CYC1: variants seen among roughly 807,000 people sequenced by gnomAD.
The protein encoded by CYC1 is cytochrome c1.
Under a neutral mutation model 33.8 loss-of-function variants are expected in CYC1, and 10 were observed. The observed-to-expected ratio is 0.30, with a 90% CI of 0.18 to 0.50. The LOEUF (loss-of-function observed/expected upper bound fraction) is 0.50, where lower values mean the gene tolerates loss of function less well. CYC1 is among the 20% of genes least tolerant of loss of function. The pLI is 0.98. For missense variants in CYC1, 459 were observed against 437.6 expected, an observed-to-expected ratio of 1.05 and a Z score of -0.44; for synonymous variants, 224 against 181.9, an observed-to-expected ratio of 1.23 and a Z score of -1.86.
Position 144,097,434 on chromosome 8 carries a change from TG to T in CYC1, c.*100del. ...GGCCTCAGCTAAGCCTCTCTTCATC[TG>T]GAAGAAGAGGCAAGGGGGCAGGAGA... On this transcript the variant is annotated 3_prime_UTR_variant, in exon 7 of 7. Transcript: ENST00000318911. 1 of 991,298 alleles carries T rather than the reference TG, an allele frequency of 1.0e-6. No individual in the cohort carries two copies. Among genetic ancestry groups the T allele is most frequent in the South Asian group, 1.5e-5 (1 of 68,904 alleles). 61.4% of individuals were successfully genotyped at this position (991,298 alleles called of 1,614,324 possible). A position where few individuals can be genotyped will look rare whatever the true frequency, so the allele number is the denominator to read the frequency against.
chr8:144,096,758 AGTCTGGCAGTGGGCATGTGGAATAC>A lies in CYC1; in HGVS notation c.772+15_772+39del. The A allele has an allele frequency of 9.6e-7, 1 of 1,039,540 alleles. No homozygotes were observed. The allele number at this position is 1,039,540 out of a possible 1,614,324, so 64.4% of individuals were successfully genotyped here. A position where few individuals can be genotyped will look rare whatever the true frequency, so the allele number is the denominator to read the frequency against. On this transcript the variant is annotated intron_variant, in intron 5 of 6. Coordinates refer to ENST00000318911, the MANE Select transcript of CYC1 (RefSeq NM_001916.5). Reference sequence around the variant, plus strand: ...AGTTTGACGATGGTAAGAGGCCTCCAGTCTGGCAGTGGGCATGTGGAATACTTCTCCACTACCCCCAGGGATGCTT... The same window carrying A: ...AGTTTGACGATGGTAAGAGGCCTCCATTCTCCACTACCCCCAGGGATGCTT...
intron 1 of CYC1, chr8:144,095,578 G>A (rs1016455702): frequency 1.1e-4 from 62 of 539,228 alleles, no homozygotes; most frequent in Middle Eastern, 9.4e-4. Context: ...AGCTGCTTGT[G>A]ACCTTGGCCT....
chr8:144,097,081 C>T lies in CYC1; in HGVS notation c.820C>T (p.Leu274=), dbSNP rs1375372623. The part of the protein sequence containing the change: ...SQIAKDVCTF[L]RWASEPEHDH... ...GATAGCCAAGGATGTGTGCACCTTC[C>T]TGCGCTGGGCATCTGAGCCAGAGCA... Residue 274 remains leucine, a synonymous_variant, in exon 6 of 7, where the codon CTG becomes TTG. Transcript: ENST00000318911. 3.1e-6 allele frequency: 5 copies of T among 1,611,618 alleles called. No individual in the cohort carries two copies.
rs1836153453 is a variant in CYC1, at chr8:144,096,366, T to A, written c.483T>A (p.Asp161Glu). Residue 161 changes from aspartate (D) to glutamate (E), a missense_variant, in exon 4 of 7, where the codon GAT becomes GAA. Asp to Glu is a conservative substitution (Grantham distance 45). Coordinates refer to ENST00000318911, the MANE Select transcript of CYC1 (RefSeq NM_001916.5). ...EVEVQDGPNE[D>E]GEMFMRPGKL... ...AGGTTCAAGACGGCCCCAATGAAGA[T>A]GGGGAGATGTTCATGCGGCCAGGGA... 1 of 1,613,364 alleles carries A rather than the reference T, an allele frequency of 6.2e-7. No homozygotes were observed. Among genetic ancestry groups the A allele is most frequent in the Non-Finnish European group, 8.5e-7 (1 of 1,179,864 alleles).
chr8:144,095,819 C>T lies in CYC1; in HGVS notation c.130-14C>T, dbSNP rs1836137397. On this transcript the variant is annotated splice_polypyrimidine_tract_variant and intron_variant, in intron 1 of 6. Coordinates refer to ENST00000318911, the MANE Select transcript of CYC1 (RefSeq NM_001916.5). ...GGGTGGTGTCCTGGCAGGCGCTGAG[C>T]GGAGATCTTGCAGGCAGTGGCCTTG... 2 of 1,602,596 alleles carry T rather than the reference C, an allele frequency of 1.2e-6. No homozygotes were observed. Among genetic ancestry groups the T allele is most frequent in the African/African-American group, 1.3e-5 (1 of 74,616 alleles).
intron 5 of CYC1, 49 bp downstream of exon 5, chr8:144,096,793 AC>A: frequency 1.4e-5 from 16 of 1,105,116 alleles, no homozygotes; most frequent in Non-Finnish European, 2.1e-5. Context: ...CTTCTCCACT[AC>A]CCCCAGGGAT....
rs751483824 is a variant in CYC1, at chr8:144,096,130, G to C, written c.333G>C (p.Arg111=). The change falls in exon 3 of 7, where the codon CGG becomes CGC. Residue 111 remains arginine (R), a synonymous_variant. Transcript: ENST00000318911. ...LLSSLDHTSI[R]RGFQVYKQVC... ...ACCCTTTCCCTCCCTCCAGCATCCG[G>C]AGGGGTTTCCAGGTATATAAGCAGG... The C allele has an allele frequency of 6.2e-7, 1 of 1,612,992 alleles. No homozygotes were observed. The highest frequency in any genetic ancestry group is 1.7e-5 in the Admixed American group (1 of 60,020).
At chr8:144,096,084 G>C in intron 2 of CYC1, 40 bp from the exon 3 acceptor site, 3 of 1,606,106 alleles carry the variant, frequency 1.9e-6, no homozygotes, top group Non-Finnish European at 2.5e-6. Flanking sequence ...AGCTGGTAAG[G>C]TGGAATCTTC....
In CYC1 at chr8:144,097,347, T is replaced by C. The variant is rs2129974299; in HGVS notation, c.*11T>C. 1 of 1,611,426 alleles carries C rather than the reference T, an allele frequency of 6.2e-7. No individual in the cohort carries two copies. The highest frequency in any genetic ancestry group is 8.5e-7 in the Non-Finnish European group (1 of 1,178,082). On this transcript the variant is annotated 3_prime_UTR_variant, in exon 7 of 7. Transcript: ENST00000318911. Reference sequence around the variant, plus strand: ...CGGCCGCCCAAGTGACCCTGTCCAGTGTCTGCTTGCCATCCTGCCAGAACA... The same window carrying C: ...CGGCCGCCCAAGTGACCCTGTCCAGCGTCTGCTTGCCATCCTGCCAGAACA...
chr8:144,096,518 G>C, intron 4 of CYC1, 24 bp downstream of exon 4: 1 of 1,614,078 alleles, frequency 6.2e-7, no homozygotes, highest in Non-Finnish European at 8.5e-7. Flanking sequence ...CCATGGGGTG[G>C]TGCTGGAGAG....
chr8:144,096,499 A>G lies in CYC1; in HGVS notation c.611+5A>G, dbSNP rs759474619. ...CAGCTACATCGTGCGAGCTAGGTAC[A>G]CGGGCTGCCCATGGGGTGGTGCTGG... On this transcript the variant is annotated splice_donor_5th_base_variant and intron_variant, in intron 4 of 6. Transcript: ENST00000318911. 2 of 1,613,918 alleles carry G rather than the reference A, an allele frequency of 1.2e-6. No homozygotes were observed. Among genetic ancestry groups the G allele is most frequent in the African/African-American group, 2.7e-5 (2 of 74,882 alleles).
intron 2 of CYC1, 47 bp from the exon 3 acceptor site, chr8:144,096,077 T>C (rs375200496): frequency 3.7e-4 from 589 of 1,603,962 alleles, no homozygotes; most frequent in Non-Finnish European, 4.6e-4. Context: ...TGGGTGGAGC[T>C]GGTAAGGTGG....
rs753465411 is a variant in CYC1 at position 144,095,936 on chromosome 8, T to A, written c.233T>A (p.Leu78Gln). The A allele has an allele frequency of 1.7e-5, 27 of 1,608,408 alleles. No homozygotes were observed. The highest frequency in any genetic ancestry group is 2.3e-5 in the Non-Finnish European group (27 of 1,179,854). The change falls in exon 2 of 7, where the codon CTG becomes CAG. Residue 78 changes from leucine to glutamine, a missense_variant. By Grantham distance (113) the Leu-to-Gln change is moderately radical. Transcript: ENST00000318911. ...AAGGAGLAMA[L>Q]HSAVSASDLE... ...GGGGGTGCGGGGCTGGCCATGGCTC[T>A]GCATTCGGCTGTGAGTGCCAGTGAC...
intron 1 of CYC1, 179 bp downstream of exon 1, chr8:144,095,407 C>T (rs1206568140): frequency 6.1e-6 from 3 of 492,434 alleles, no homozygotes; most frequent in Non-Finnish European, 9.4e-6. Context: ...GCCCACCTCT[C>T]CGAACGGCAG....
chr8:144,096,663 C>T lies in CYC1; in HGVS notation c.691C>T (p.Leu231Phe), dbSNP rs757346172. 1 of 1,614,054 alleles carries T rather than the reference C, an allele frequency of 6.2e-7. No homozygotes were observed. Among genetic ancestry groups the T allele is most frequent in the African/African-American group, 1.3e-5 (1 of 75,032 alleles). ...PPTGVSLREG[L>F]YFNPYFPGQA... ...CACCGGGGTGTCACTGCGGGAAGGT[C>T]TCTACTTCAACCCCTACTTTCCTGG... is the stretch of plus-strand genomic sequence containing the variant. The change falls in exon 5 of 7, where the codon CTC (leucine) becomes TTC (phenylalanine). Residue 231 changes from leucine (L) to phenylalanine (F), a missense_variant. By Grantham distance (22) the Leu-to-Phe change is conservative (BLOSUM62 0). Coordinates refer to ENST00000318911, the MANE Select transcript of CYC1 (RefSeq NM_001916.5).
In CYC1 at chr8:144,096,761, CTGGCAGTGGGCATGTGGAAT is replaced by C. The variant is rs761718554; in HGVS notation, c.772+18_772+37del. On this transcript the variant is annotated intron_variant, in intron 5 of 6. Transcript: ENST00000318911. ...TTGACGATGGTAAGAGGCCTCCAGT[CTGGCAGTGGGCATGTGGAAT>C]ACTTCTCCACTACCCCCAGGGATGC... The C allele has an allele frequency of 2.5e-5, 23 of 912,510 alleles. No individual in the cohort carries two copies. The South Asian group carries it at 3.5e-4, about 14-fold the overall frequency. 56.5% of individuals were successfully genotyped at this position (912,510 alleles called of 1,614,324 possible). A position where few individuals can be genotyped will look rare whatever the true frequency, so the allele number is the denominator to read the frequency against.
rs753590185 is a variant in CYC1 at position 144,096,343 on chromosome 8, G to A, written c.460G>A (p.Val154Ile). ...ATGAGGCTCTCGGTGGCAGGTGGAG[G>A]TTCAAGACGGCCCCAATGAAGATGG... Reference protein sequence around the residue: ...EAKELAAEVEVQDGPNEDGEM... With the variant: ...EAKELAAEVEIQDGPNEDGEM... The change falls in exon 4 of 7, where the codon GTT becomes ATT. Residue 154 changes from valine to isoleucine, a missense_variant. Val to Ile is a conservative substitution (Grantham distance 29). Transcript: ENST00000318911. 6.8e-6 allele frequency: 11 copies of A among 1,612,946 alleles called. No individual in the cohort carries two copies. The highest frequency in any genetic ancestry group is 1.1e-5 in the South Asian group (1 of 91,004).
intron 5 of CYC1, 42 bp downstream of exon 5, chr8:144,096,786 CTCCA>C (rs769174444): frequency 5.3e-5 from 1 of 18,998 alleles, no homozygotes; most frequent in Non-Finnish European, 1.0e-4. Context: ...TGGAATACTT[CTCCA>C]CTACCCCCAG....
intron 1 of CYC1, 80 bp from the exon 2 acceptor site, chr8:144,095,753 T>G (rs1587602862): frequency 6.7e-7 from 1 of 1,482,294 alleles, no homozygotes; most frequent in Non-Finnish European, 9.2e-7. Flanking sequence ...CATTGCTGGG[T>G]GGAGAGGTGG....
Sources: allele counts gnomAD v4.1 joint callset, GRCh38; gene constraint gnomAD v4.1.1; transcripts MANE v1.5; gene names NCBI Gene and HGNC (gene_info 2026-07-23, HGNC 2026-07-21).